UBAC2: variants seen among roughly 807,000 people sequenced by gnomAD.
The protein encoded by UBAC2 is ubiquitin-associated domain-containing protein 2.
UBAC2 carries 26 observed loss-of-function variants against 44.0 expected under a neutral mutation model. The ratio of observed to expected loss-of-function variants is 0.59; its 90% confidence interval spans 0.43 to 0.82. The LOEUF is 0.82. Among genes scored for constraint, UBAC2 ranks in the 40% least tolerant of loss-of-function variants. The pLI is 0.00. For synonymous variants in UBAC2, 155 were observed against 154.3 expected (o/e 1.00, Z -0.04); for missense variants, 329 against 419.4 (o/e 0.78, Z 1.88).
At chr13:99,248,431 G>A (rs924254866) in intron 4 of UBAC2, among the ~76,000 whole-genome samples, 2 of 138,042 alleles carry the variant, frequency 1.4e-5, no homozygotes, top group African/African-American at 5.5e-5. Flanking sequence ...CACTCTTGCC[G>A]CCCAGGCTGC....
At chr13:99,209,078 T>C (rs1276573782) in intron 1 of UBAC2, among the ~76,000 whole-genome samples, 2 of 152,256 alleles carry the variant, frequency 1.3e-5, no homozygotes, top group African/African-American at 4.8e-5. Context: ...GCGTGTTCCT[T>C]GCCCTGGCTG....
intron 6 of UBAC2, among the ~76,000 whole-genome samples, chr13:99,322,914 C>G (rs1218003763): frequency 6.6e-6 from 1 of 152,180 alleles, no homozygotes; most frequent in African/African-American, 2.4e-5. Context: ...TTGCCTTTCT[C>G]TCTTCCCTCT....
intron 6 of UBAC2, among the ~76,000 whole-genome samples, chr13:99,339,439 G>T (rs1484848881): frequency 2.0e-5 from 3 of 152,122 alleles, no homozygotes; most frequent in Non-Finnish European, 4.4e-5. Flanking sequence ...GTGAGAGTGG[G>T]GCCTTGCTTA....
At chr13:99,293,494 T>G (rs1376257564) in intron 4 of UBAC2, among the ~76,000 whole-genome samples, 2 of 152,232 alleles carry the variant, frequency 1.3e-5, no homozygotes, top group African/African-American at 2.4e-5. Flanking sequence ...CTCAGATGAC[T>G]ACCTAAGTGC....
chr13:99,224,195 C>A (rs1398522587), intron 1 of UBAC2, among the ~76,000 whole-genome samples: 1 of 152,156 alleles, frequency 6.6e-6, no homozygotes, highest in Non-Finnish European at 1.5e-5. Context: ...AGCCTGCTGG[C>A]TTCTAGCTGT....
chr13:99,323,745 G>T, intron 6 of UBAC2, among the ~76,000 whole-genome samples: 1 of 152,132 alleles, frequency 6.6e-6, no homozygotes, highest in East Asian at 1.9e-4. Context: ...CTAACTGGAA[G>T]AAGCCTTCTA....
chr13:99,310,810 G>T (rs1456269577), intron 4 of UBAC2, among the ~76,000 whole-genome samples: 3 of 152,110 alleles, frequency 2.0e-5, no homozygotes, highest in African/African-American at 7.2e-5. Flanking sequence ...AGGTTATTTA[G>T]TTATAACATC....
Position 99,368,688 on chromosome 13 carries a change from A to AGAGTGTGTGTGTGT in UBAC2, c.927+783_927+784insAGTGTGTGTGTGTG, listed in dbSNP as rs765104174. On this transcript the variant is annotated intron_variant, in intron 8 of 8. Transcript: ENST00000403766. ...CACTATCATCGTAAACTCATGAGAGAGTGTGTGTGTGTGTGTGTGTGTGTG... is the reference window on the plus strand; with the variant it reads ...CACTATCATCGTAAACTCATGAGAGAGAGTGTGTGTGTGTGTGTGTGTGTGTGTGTGTGTGTGTG... Among the ~76,000 whole-genome samples, 7 of 146,698 alleles carry AGAGTGTGTGTGTGT rather than the reference A, an allele frequency of 4.8e-5. No homozygotes were observed. In the East Asian group the frequency reaches 1.0e-3, roughly 21 times the overall value.
At chr13:99,201,692 C>G in intron 1 of UBAC2, 1 of 1,042,678 alleles carries the variant, frequency 9.6e-7, no homozygotes, top group South Asian at 1.5e-5. Context: ...GAGAACAGCT[C>G]TAATTTTGCA....
chr13:99,257,485 C>T (rs1469990090), intron 4 of UBAC2, among the ~76,000 whole-genome samples: 1 of 151,746 alleles, frequency 6.6e-6, no homozygotes, highest in African/African-American at 2.4e-5. Flanking sequence ...TCTTTTTTCC[C>T]ACGTTATGCT....
chr13:99,329,002 G>T (rs2044677731), intron 6 of UBAC2, among the ~76,000 whole-genome samples: 2 of 152,162 alleles, frequency 1.3e-5, no homozygotes, highest in Non-Finnish European at 1.5e-5. Context: ...GAGGTAAAGG[G>T]TAAGATTTAT....
intron 4 of UBAC2, among the ~76,000 whole-genome samples, chr13:99,291,512 T>C (rs1321112441): frequency 1.3e-5 from 2 of 152,208 alleles, no homozygotes; most frequent in Admixed American, 6.5e-5. Flanking sequence ...AATAGACCAT[T>C]TTAAGGGCTA....
At chr13:99,314,257 CAG>C in intron 5 of UBAC2, 37 bp downstream of exon 5, 1 of 1,458,276 alleles carries the variant, frequency 6.9e-7, no homozygotes, top group Non-Finnish European at 9.1e-7. Context: ...TTTCTTTAAC[CAG>C]ATCTTTTTTT....
chr13:99,313,373 G>C (rs2044441332), intron 4 of UBAC2: 1 of 152,230 alleles, frequency 6.6e-6, no homozygotes, highest in Non-Finnish European at 1.5e-5. Flanking sequence ...AAATGGATTA[G>C]AGAGAAGCAA....
intron 4 of UBAC2, among the ~76,000 whole-genome samples, chr13:99,303,864 T>C (rs2044291719): frequency 6.6e-6 from 1 of 152,214 alleles, no homozygotes; most frequent in Non-Finnish European, 1.5e-5. Flanking sequence ...ACTGTGGTAC[T>C]CAAGGCAGGG....
intron 7 of UBAC2, among the ~76,000 whole-genome samples, chr13:99,353,887 C>T (rs2045135464): frequency 6.6e-6 from 1 of 152,182 alleles, no homozygotes; most frequent in African/African-American, 2.4e-5. Flanking sequence ...CAGCCCAGTG[C>T]TGTGGTTGAC....
chr13:99,255,387 G>A, intron 4 of UBAC2: 1 of 1,614,130 alleles, frequency 6.2e-7, no homozygotes, highest in Non-Finnish European at 8.5e-7. Context: ...CTTTATCTGG[G>A]TCTTTATAGA....
At chr13:99,234,449 C>G (rs2043212526) in intron 1 of UBAC2, 1 of 182,614 alleles carries the variant, frequency 5.5e-6, no homozygotes, top group South Asian at 6.6e-5. Context: ...CTCAGCCTCC[C>G]AAAGTGCTGG....
At chr13:99,290,273 T>G (rs997782648) in intron 4 of UBAC2, among the ~76,000 whole-genome samples, 1 of 152,204 alleles carries the variant, frequency 6.6e-6, no homozygotes, top group African/African-American at 2.4e-5. Flanking sequence ...GCTATATAAT[T>G]GTTAGCAAGT....
Sources: allele counts gnomAD v4.1 joint callset (sites outside exome capture counted in the v4.1 genomes callset), GRCh38; gene constraint gnomAD v4.1.1; transcripts MANE v1.5; gene names NCBI Gene and HGNC (gene_info 2026-07-23, HGNC 2026-07-21).